The following MALRD1 variants were observed in gnomAD, a reference collection of about 807,000 sequenced individuals.
MALRD1 encodes the protein MAM and LDL-receptor class A domain-containing protein 1.
MALRD1 carries 247 observed loss-of-function variants against 242.1 expected under a neutral mutation model. That is an observed-to-expected ratio of 1.02 (90% confidence interval 0.92 to 1.13). The LOEUF (loss-of-function observed/expected upper bound fraction) is 1.13. Among genes scored for constraint, MALRD1 ranks in the 50% most tolerant of loss-of-function variants. MALRD1 has a pLI of 0.00. For synonymous variants in MALRD1, 995 were observed against 866.6 expected (o/e 1.15, Z -2.60); for missense variants, 2,989 against 2,533.1 (o/e 1.18, Z -3.86).
chr10:19,346,744 G>T (rs1385169741), intron 24 of MALRD1, among the ~76,000 whole-genome samples: 6 of 152,004 alleles, frequency 3.9e-5, no homozygotes, highest in Non-Finnish European at 2.9e-5. Context: ...TCTACCTCCT[G>T]GGTTCAAGCA....
intron 36 of MALRD1, among the ~76,000 whole-genome samples, chr10:19,642,142 T>C (rs1840415401): frequency 6.6e-6 from 1 of 152,116 alleles, no homozygotes. Context: ...GCAGAACATA[T>C]ATTTTGCTTG....
chr10:19,467,310 G>A (rs1271426758), intron 29 of MALRD1, among the ~76,000 whole-genome samples: 2 of 134,714 alleles, frequency 1.5e-5, no homozygotes, highest in South Asian at 2.7e-4. Flanking sequence ...AGCCGAGATC[G>A]CGCCACTGCA....
chr10:19,460,922 T>C (rs1355900462), intron 29 of MALRD1, among the ~76,000 whole-genome samples: 2 of 152,176 alleles, frequency 1.3e-5, no homozygotes, highest in Non-Finnish European at 2.9e-5. Context: ...GCTGTGCAAG[T>C]ACTCTTTGGT....
At chr10:19,347,654 C>G (rs1844191423) in intron 24 of MALRD1, 117 bp from the exon 25 acceptor site, 1 of 1,193,840 alleles carries the variant, frequency 8.4e-7, no homozygotes, top group African/African-American at 1.5e-5. Flanking sequence ...ATCAGGATAG[C>G]ATTATGAAGG....
intron 18 of MALRD1, among the ~76,000 whole-genome samples, chr10:19,237,170 G>C (rs1838356867): frequency 6.6e-6 from 1 of 151,598 alleles, no homozygotes; most frequent in Non-Finnish European, 1.5e-5. Context: ...TAGACACTTT[G>C]TAATATACAA....
At chr10:19,389,070 C>A (rs1589006649) in intron 27 of MALRD1, 1 of 349,894 alleles carries the variant, frequency 2.9e-6, no homozygotes. Flanking sequence ...CAAGAGATGA[C>A]TAAATTTTTA....
chr10:19,259,327 T>C (rs1839647870), intron 19 of MALRD1, among the ~76,000 whole-genome samples: 1 of 152,116 alleles, frequency 6.6e-6, no homozygotes, highest in Non-Finnish European at 1.5e-5. Context: ...CAATTTATGG[T>C]GTATTAGTCC....
chr10:19,405,854 T>G (rs1195846496), intron 28 of MALRD1, among the ~76,000 whole-genome samples: 2 of 59,548 alleles, frequency 3.4e-5, no homozygotes, highest in East Asian at 9.2e-4. Flanking sequence ...TGCGTTAGGA[T>G]GCATTTTTTT....
intron 18 of MALRD1, among the ~76,000 whole-genome samples, chr10:19,252,525 T>C (rs1405227064): frequency 1.3e-5 from 2 of 152,100 alleles, no homozygotes; most frequent in African/African-American, 4.8e-5. Flanking sequence ...ACATAAATTT[T>C]GTTATGATTT....
intron 29 of MALRD1, among the ~76,000 whole-genome samples, chr10:19,482,692 T>TAC (rs1837053448): frequency 2.5e-5 from 2 of 80,820 alleles, no homozygotes; most frequent in Admixed American, 2.4e-4. Context: ...CACACACACA[T>TAC]ACACACAAAG....
chr10:19,271,290 T>A (rs1418001254), intron 19 of MALRD1, among the ~76,000 whole-genome samples: 1 of 152,198 alleles, frequency 6.6e-6, no homozygotes, highest in Non-Finnish European at 1.5e-5. Flanking sequence ...TTAACACTAA[T>A]GAATTAAAGT....
chr10:19,419,372 G>C (rs1001177733), intron 28 of MALRD1, among the ~76,000 whole-genome samples: 1 of 152,208 alleles, frequency 6.6e-6, no homozygotes, highest in Non-Finnish European at 1.5e-5. Context: ...TCAGCTCACT[G>C]TAACCTCCAC....
At chr10:19,616,982 G>C (rs1839186717) in intron 36 of MALRD1, among the ~76,000 whole-genome samples, 1 of 151,920 alleles carries the variant, frequency 6.6e-6, no homozygotes, top group Non-Finnish European at 1.5e-5. Flanking sequence ...ATTACTTGAT[G>C]GAAAGACAGG....
chr10:19,653,611 T>G (rs757187281), intron 36 of MALRD1, among the ~76,000 whole-genome samples: 15 of 152,222 alleles, frequency 9.9e-5, no homozygotes, highest in Non-Finnish European at 1.8e-4. Flanking sequence ...TTTTAATTTT[T>G]TCTTCTTGCC....
chr10:19,105,809 T>C (rs1836442841), intron 5 of MALRD1, among the ~76,000 whole-genome samples: 1 of 151,990 alleles, frequency 6.6e-6, no homozygotes, highest in Non-Finnish European at 1.5e-5. Flanking sequence ...TCATATTCTA[T>C]TTATTGGTCA....
At chr10:19,561,199 A>T (rs749422778) in intron 32 of MALRD1, among the ~76,000 whole-genome samples, 1 of 152,078 alleles carries the variant, frequency 6.6e-6, no homozygotes, top group Non-Finnish European at 1.5e-5. Flanking sequence ...ACATTGTATG[A>T]TTTCTATTCT....
chr10:19,669,839 A>G (rs989406589), intron 36 of MALRD1, among the ~76,000 whole-genome samples: 2 of 152,148 alleles, frequency 1.3e-5, no homozygotes, highest in Non-Finnish European at 2.9e-5. Flanking sequence ...CAGTGAGTGA[A>G]TAAGAAACTG....
chr10:19,384,426 C>T (rs1845978925), intron 26 of MALRD1, among the ~76,000 whole-genome samples: 1 of 107,590 alleles, frequency 9.3e-6, no homozygotes, highest in Non-Finnish European at 1.8e-5. Flanking sequence ...ATAATATTTA[C>T]CATATATTAT....
chr10:19,113,603 CCTT>C (rs1177856684), intron 5 of MALRD1, among the ~76,000 whole-genome samples: 16 of 151,376 alleles, frequency 1.1e-4, no homozygotes, highest in African/African-American at 3.4e-4. Flanking sequence ...CCTTTTTCTT[CCTT>C]CTTCTCCCTT....
Sources: gnomAD v4.1 joint callset for allele counts (sites outside exome capture counted in the v4.1 genomes callset) on GRCh38, gnomAD v4.1.1 for gene constraint, MANE v1.5 for transcripts, NCBI Gene and HGNC (gene_info 2026-07-23, HGNC 2026-07-21) for gene names.